The following UNC5C variants were observed in gnomAD, a reference collection of about 807,000 sequenced individuals.
UNC5C encodes the protein netrin receptor UNC5C.
UNC5C carries 47 observed loss-of-function variants against 99.8 expected under a neutral mutation model. The observed-to-expected ratio is 0.47, with a 90% CI of 0.37 to 0.60. UNC5C has a LOEUF of 0.60. Ranked by LOEUF, UNC5C falls within the 20% of genes least tolerant of loss-of-function variation. UNC5C has a pLI of 0.00. For missense variants in UNC5C, 1,062 were observed against 1,165.9 expected (o/e 0.91, Z 1.30); for synonymous variants, 487 against 452.2 (o/e 1.08, Z -0.98).
chr4:95,246,317 G>A (rs1425765943), intron 5 of UNC5C, among the ~76,000 whole-genome samples: 1 of 152,092 alleles, frequency 6.6e-6, no homozygotes, highest in Non-Finnish European at 1.5e-5. Context: ...AGCACTTTGG[G>A]AAGCCAAGGA....
At chr4:95,220,296 A>G in intron 7 of UNC5C, 120 bp from the exon 8 acceptor site, 4 of 1,001,890 alleles carry the variant, frequency 4.0e-6, no homozygotes, top group Non-Finnish European at 5.7e-6. Flanking sequence ...TTTCAAATCT[A>G]TTTCAAAAGC....
chr4:95,546,941 G>A (rs1275761840), intron 1 of UNC5C, among the ~76,000 whole-genome samples: 4 of 144,378 alleles, frequency 2.8e-5, no homozygotes, highest in African/African-American at 1.0e-4. Context: ...CCCCTCTCCC[G>A]CCACCCACCC....
intron 1 of UNC5C, among the ~76,000 whole-genome samples, chr4:95,462,879 A>T (rs1263365054): frequency 6.6e-6 from 1 of 152,172 alleles, no homozygotes; most frequent in Non-Finnish European, 1.5e-5. Context: ...AAGTCACCAC[A>T]AACAGTGAAC....
chr4:95,473,172 A>G (rs556554273), intron 1 of UNC5C, among the ~76,000 whole-genome samples: 2 of 152,210 alleles, frequency 1.3e-5, no homozygotes, highest in East Asian at 1.9e-4. Flanking sequence ...CTTTCTACTC[A>G]AAAGTTTCAT....
At chr4:95,191,661 G>A (rs935032037) in intron 12 of UNC5C, among the ~76,000 whole-genome samples, 12 of 142,252 alleles carry the variant, frequency 8.4e-5, no homozygotes, top group Middle Eastern at 4.1e-3. Context: ...TCTGTTCGCC[G>A]CCTCCTCTGT....
rs530961957 is a variant in UNC5C at position 95,176,917 on chromosome 4, G to A, written c.2451+5980C>T. ...AGACTCTGTGGGCGTAGGACCCTCC[G>A]AGCCAGGTGCGGGATATAATCTCCT... On this transcript the variant is annotated intron_variant, in intron 14 of 15. Transcript: ENST00000453304. Among the ~76,000 whole-genome samples the A allele has an allele frequency of 5.4e-4, 82 of 151,512 alleles. No individual in the cohort carries two copies. The South Asian group carries it at 6.5e-3, about 12-fold the overall frequency.
chr4:95,355,404 C>G (rs1744145520), intron 1 of UNC5C, among the ~76,000 whole-genome samples: 1 of 152,116 alleles, frequency 6.6e-6, no homozygotes, highest in South Asian at 2.1e-4. Flanking sequence ...TTTAATCCCT[C>G]CACCAGTAAT....
At chr4:95,531,460 A>T (rs968206831) in intron 1 of UNC5C, among the ~76,000 whole-genome samples, 9 of 152,262 alleles carry the variant, frequency 5.9e-5, no homozygotes, top group Non-Finnish European at 2.9e-5. Context: ...CTTAGGAAAC[A>T]AGAAGCAGTT....
intron 10 of UNC5C, among the ~76,000 whole-genome samples, chr4:95,213,526 C>G (rs1738147224): frequency 6.6e-6 from 1 of 152,234 alleles, no homozygotes; most frequent in South Asian, 2.1e-4. Context: ...CCAGCCTGCA[C>G]TTTCGCTTAG....
chr4:95,308,776 AAAAAAAAG>A (rs1742155282), intron 2 of UNC5C, among the ~76,000 whole-genome samples: 1 of 150,258 alleles, frequency 6.7e-6, no homozygotes. Context: ...AAAAAAAAAA[AAAAAAAAG>A]AACAAGAAAA....
intron 1 of UNC5C, among the ~76,000 whole-genome samples, chr4:95,480,610 A>T (rs900974551): frequency 1.3e-5 from 2 of 151,844 alleles, no homozygotes; most frequent in Non-Finnish European, 2.9e-5. Flanking sequence ...CAGCTCTCAC[A>T]AGTTAGCCCT....
At chr4:95,169,593 G>C (rs551074673) in intron 15 of UNC5C, among the ~76,000 whole-genome samples, 194 bp from the exon 16 acceptor site, 1 of 152,300 alleles carries the variant, frequency 6.6e-6, no homozygotes, top group East Asian at 1.9e-4. Flanking sequence ...TTAACTTTGT[G>C]AACCTCAGCT....
intron 1 of UNC5C, among the ~76,000 whole-genome samples, chr4:95,428,887 G>A (rs1048907813): frequency 2.6e-5 from 4 of 151,932 alleles, no homozygotes; most frequent in South Asian, 2.1e-4. Flanking sequence ...TGACAGCCCC[G>A]TCACTAGGAG....
chr4:95,453,460 G>T (rs1012348011), intron 1 of UNC5C, among the ~76,000 whole-genome samples: 1 of 147,244 alleles, frequency 6.8e-6, no homozygotes, highest in African/African-American at 2.5e-5. Context: ...ACATCGGGAG[G>T]AAAAGAAGAA....
intron 1 of UNC5C, among the ~76,000 whole-genome samples, chr4:95,547,958 CAG>C (rs1723116725): frequency 6.6e-6 from 1 of 152,236 alleles, no homozygotes; most frequent in Non-Finnish European, 1.5e-5. Context: ...ATTAAAATGT[CAG>C]AGTTATAAAC....
chr4:95,280,134 C>T (rs1741001201), intron 3 of UNC5C, among the ~76,000 whole-genome samples: 2 of 152,018 alleles, frequency 1.3e-5, no homozygotes, highest in African/African-American at 4.8e-5. Context: ...GGTTGTGACC[C>T]CTGCTCGCAA....
intron 12 of UNC5C, among the ~76,000 whole-genome samples, chr4:95,201,806 G>T (rs542985575): frequency 4.6e-5 from 7 of 151,982 alleles, no homozygotes; most frequent in Admixed American, 4.6e-4. Flanking sequence ...GGGTTTCACC[G>T]TGTTAGCCAG....
At position 95,290,148 on chromosome 4, in the gene UNC5C, A is replaced by G. The variant is rs573937188; in HGVS notation, c.490+11458T>C. On this transcript the variant is annotated intron_variant, in intron 3 of 15. Transcript: ENST00000453304. ...GTGAGAACCCCCATCTCTACAAAAA[A>G]TAGAAAAACTAGCAGAGTATGGTAG... Among the ~76,000 whole-genome samples, 4 of 152,118 alleles carry G rather than the reference A, an allele frequency of 2.6e-5. No individual in the cohort carries two copies. In the East Asian group the frequency reaches 7.8e-4, roughly 30 times the overall value.
intron 1 of UNC5C, among the ~76,000 whole-genome samples, chr4:95,423,116 G>GC (rs1746367391): frequency 6.6e-6 from 1 of 152,108 alleles, no homozygotes; most frequent in Non-Finnish European, 1.5e-5. Context: ...CCCTTGACAA[G>GC]CCCCATTGCA....
Sources: allele counts gnomAD v4.1 joint callset (sites outside exome capture counted in the v4.1 genomes callset), GRCh38; gene constraint gnomAD v4.1.1; transcripts MANE v1.5; gene names NCBI Gene and HGNC (gene_info 2026-07-23, HGNC 2026-07-21).